The following SLC35F3 variants were observed in gnomAD, a reference collection of about 807,000 sequenced individuals.
The protein encoded by SLC35F3 is solute carrier family 35 member F3, also known as putative thiamine transporter SLC35F3.
SLC35F3 carries 25 observed loss-of-function variants against 49.9 expected under a neutral mutation model. The ratio of observed to expected loss-of-function variants is 0.50; its 90% CI spans 0.37 to 0.70. The LOEUF is 0.70. SLC35F3 is among the 30% of genes least tolerant of loss of function. The probability of loss-of-function intolerance (pLI) is 0.00; values close to 1 mark genes in which losing one functional copy is unlikely to be tolerated. For synonymous variants in SLC35F3, 275 were observed against 265.4 expected, an observed-to-expected ratio of 1.04 and a Z score of -0.35; for missense variants, 525 against 639.8, an observed-to-expected ratio of 0.82 and a Z score of 1.94.
intron 2 of SLC35F3, among the ~76,000 whole-genome samples, chr1:234,170,302 C>T (rs1307701884): frequency 3.9e-5 from 6 of 152,158 alleles, no homozygotes; most frequent in Non-Finnish European, 1.5e-5. Flanking sequence ...AGGGGTTAAA[C>T]CACTTACTCG....
At chr1:234,319,186 C>T (rs1326779780) in intron 6 of SLC35F3, among the ~76,000 whole-genome samples, 1 of 152,082 alleles carries the variant, frequency 6.6e-6, no homozygotes, top group African/African-American at 2.4e-5. Context: ...GAACTAATAC[C>T]CCAGGGTGTT....
At chr1:234,026,630 C>A (rs181875099) in intron 2 of SLC35F3, among the ~76,000 whole-genome samples, 4 of 152,244 alleles carry the variant, frequency 2.6e-5, no homozygotes, top group Admixed American at 2.6e-4. Context: ...CACCTATAAT[C>A]CCCATATTCT....
chr1:234,218,003 A>G (rs1441667755), intron 2 of SLC35F3, among the ~76,000 whole-genome samples: 1 of 152,226 alleles, frequency 6.6e-6, no homozygotes, highest in East Asian at 1.9e-4. Context: ...CATGGATGCT[A>G]GGGCTCAGCC....
At chr1:233,930,998 A>G (rs545351577) in intron 2 of SLC35F3, among the ~76,000 whole-genome samples, 33 of 152,264 alleles carry the variant, frequency 2.2e-4, no homozygotes, top group African/African-American at 7.5e-4. Context: ...ATCTACAACC[A>G]TCTGATCTTT....
intron 2 of SLC35F3, among the ~76,000 whole-genome samples, chr1:234,134,806 C>T (rs1435237658): frequency 6.6e-6 from 1 of 152,162 alleles, no homozygotes; most frequent in Non-Finnish European, 1.5e-5. Flanking sequence ...ACTGCAACCT[C>T]TGCCTCACAG....
chr1:233,990,598 A>T (rs1465359519), intron 2 of SLC35F3, among the ~76,000 whole-genome samples: 3 of 149,876 alleles, frequency 2.0e-5, no homozygotes, highest in African/African-American at 7.5e-5. Context: ...TTGCTAAGGG[A>T]GTAGATCTTA....
chr1:233,942,934 A>G (rs1662452270), intron 2 of SLC35F3, among the ~76,000 whole-genome samples: 1 of 152,176 alleles, frequency 6.6e-6, no homozygotes, highest in African/African-American at 2.4e-5. Context: ...GACTCCTCTT[A>G]TAAGTGGAAT....
chr1:234,270,159 A>G (rs755370738), intron 3 of SLC35F3, among the ~76,000 whole-genome samples: 3 of 152,226 alleles, frequency 2.0e-5, no homozygotes, highest in East Asian at 3.8e-4. Context: ...CATGAAGACT[A>G]ATACCTCCTG....
chr1:234,217,953 T>C (rs1667148267), intron 2 of SLC35F3, among the ~76,000 whole-genome samples: 1 of 152,106 alleles, frequency 6.6e-6, no homozygotes, highest in South Asian at 2.1e-4. Context: ...GAAAGCTTGT[T>C]GGTGCAGAGG....
intron 2 of SLC35F3, among the ~76,000 whole-genome samples, chr1:234,028,597 G>T (rs147618949): frequency 3.9e-5 from 6 of 152,194 alleles, no homozygotes; most frequent in Non-Finnish European, 8.8e-5. Context: ...AAAGAACTGG[G>T]ATTTTGTTTT....
chr1:234,267,139 A>C (rs1169146262), intron 3 of SLC35F3, among the ~76,000 whole-genome samples: 1 of 139,098 alleles, frequency 7.2e-6, no homozygotes, highest in Non-Finnish European at 1.5e-5. Context: ...CACCGCCCTT[A>C]ATCCATTTAA....
intron 2 of SLC35F3, among the ~76,000 whole-genome samples, chr1:234,210,298 T>C (rs1667030825): frequency 6.6e-6 from 1 of 152,182 alleles, no homozygotes; most frequent in African/African-American, 2.4e-5. Context: ...GAAGATGGGC[T>C]AATATAGTAA....
chr1:234,201,701 C>G (rs1205644563), intron 2 of SLC35F3, among the ~76,000 whole-genome samples: 2 of 152,146 alleles, frequency 1.3e-5, no homozygotes, highest in Non-Finnish European at 2.9e-5. Context: ...GGACGGTCCC[C>G]ACCCCCAGGA....
At chr1:234,307,723 C>G (rs966546696) in intron 3 of SLC35F3, among the ~76,000 whole-genome samples, 1 of 152,216 alleles carries the variant, frequency 6.6e-6, no homozygotes, top group African/African-American at 2.4e-5. Context: ...CAGGCTGACT[C>G]CCTTCCTGGC....
chr1:234,029,935 C>T (rs1463937001), intron 2 of SLC35F3, among the ~76,000 whole-genome samples: 1 of 152,122 alleles, frequency 6.6e-6, no homozygotes, highest in Non-Finnish European at 1.5e-5. Flanking sequence ...GTATCTCTTT[C>T]TTTCCATTGC....
intron 2 of SLC35F3, among the ~76,000 whole-genome samples, chr1:234,053,490 C>G (rs1483509664): frequency 6.6e-6 from 1 of 151,980 alleles, no homozygotes; most frequent in Non-Finnish European, 1.5e-5. Flanking sequence ...TTTCTATTTC[C>G]TTGGTTGATC....
At chr1:233,970,189 G>A (rs909979891) in intron 2 of SLC35F3, among the ~76,000 whole-genome samples, 15 of 152,192 alleles carry the variant, frequency 9.9e-5, no homozygotes, top group African/African-American at 3.1e-4. Context: ...CACTAATTGT[G>A]TCTCCTCCTG....
At chr1:234,054,033 C>T (rs1224950249) in intron 2 of SLC35F3, among the ~76,000 whole-genome samples, 1 of 152,230 alleles carries the variant, frequency 6.6e-6, no homozygotes, top group Non-Finnish European at 1.5e-5. Flanking sequence ...ATGGGCTTCC[C>T]TTTGTGGGTA....
At chr1:234,070,738 T>C (rs1269279049) in intron 2 of SLC35F3, among the ~76,000 whole-genome samples, 1 of 129,348 alleles carries the variant, frequency 7.7e-6, no homozygotes, top group African/African-American at 3.2e-5. Context: ...ATTTTAAGAA[T>C]TTGTCTATTT....
Sources: gnomAD v4.1 joint callset for allele counts (sites outside exome capture counted in the v4.1 genomes callset) on GRCh38, gnomAD v4.1.1 for gene constraint, MANE v1.5 for transcripts, NCBI Gene and HGNC (gene_info 2026-07-23, HGNC 2026-07-21) for gene names.